The following CRYBB2 variants were observed in gnomAD, a reference collection of about 807,000 sequenced individuals.
CRYBB2 encodes beta-crystallin B2.
A neutral mutation model predicts 24.3 loss-of-function variants in CRYBB2; 12 were observed. That is an observed-to-expected ratio of 0.49 (90% CI 0.32 to 0.80). CRYBB2 has a LOEUF of 0.80. Ranked by LOEUF, CRYBB2 falls within the 30% of genes least tolerant of loss-of-function variation. CRYBB2 has a pLI of 0.04. For synonymous variants in CRYBB2, 98 were observed against 101.6 expected (o/e 0.96, Z 0.21); for missense variants, 198 against 268.5 (o/e 0.74, Z 1.83).
At chr22:25,218,814 GAAAGAA>G (rs1555888312), upstream of CRYBB2, among the ~76,000 whole-genome samples, 18 of 126,436 alleles carry the variant, frequency 1.4e-4, no homozygotes, top group African/African-American at 4.9e-4. Flanking sequence ...AAGAAAGAAA[GAAAGAA>G]AGAAAGAAAG....
At chr22:25,227,511 T>C (rs1310937468) in intron 3 of CRYBB2, among the ~76,000 whole-genome samples, 1 of 150,740 alleles carries the variant, frequency 6.6e-6, no homozygotes, top group African/African-American at 2.4e-5. Context: ...AGAGTGTTAA[T>C]TTTCGTTTTG....
intron 3 of CRYBB2, among the ~76,000 whole-genome samples, chr22:25,226,175 TGTGTGTGTG>T (rs1935411150): frequency 1.0e-4 from 4 of 38,920 alleles, no homozygotes; most frequent in Non-Finnish European, 2.4e-4. Context: ...TCTCTGTGTG[TGTGTGTGTG>T]TGTGTGTGTG....
upstream of CRYBB2, among the ~76,000 whole-genome samples, chr22:25,218,749 GA>G (rs778589699): frequency 3.5e-5 from 1 of 28,400 alleles, no homozygotes; most frequent in African/African-American, 2.0e-4. Flanking sequence ...GAGAGAGAGA[GA>G]GAGAGAGAGA....
At chr22:25,217,919 G>A (rs1935197970), upstream of CRYBB2, among the ~76,000 whole-genome samples, 1 of 152,118 alleles carries the variant, frequency 6.6e-6, no homozygotes, top group East Asian at 1.9e-4. Context: ...GCCTCAGATT[G>A]GATCAAGACA....
chr22:25,226,917 G>A (rs1484097333), intron 3 of CRYBB2, among the ~76,000 whole-genome samples: 4 of 152,024 alleles, frequency 2.6e-5, no homozygotes, highest in African/African-American at 4.8e-5. Flanking sequence ...CAGGTGATCC[G>A]CTCACCTCGG....
In CRYBB2 at chr22:25,230,021, G is replaced by A. The variant is rs115680431; in HGVS notation, c.449+443G>A. 1.9e-3 allele frequency among the ~76,000 whole-genome samples: 284 copies of A among 152,072 alleles called. 1 individual carries two copies. Among genetic ancestry groups the A allele is most frequent in the African/African-American group, 6.5e-3 (268 of 41,492 alleles). On this transcript the variant is annotated intron_variant, in intron 5 of 5. Transcript: ENST00000398215. The stretch of plus-strand genomic sequence containing the variant: ...AGGTGTCATTTTCCACTGAATCAAA[G>A]TTCCTGGGCACATCGACCCTGGCCA...
At chr22:25,229,970 CGT>C (rs1262901937) in intron 5 of CRYBB2, among the ~76,000 whole-genome samples, 2 of 150,420 alleles carry the variant, frequency 1.3e-5, no homozygotes, top group Non-Finnish European at 3.0e-5. Flanking sequence ...CCTTTGACCG[CGT>C]GTGTCCCTAA....
intron 1 of CRYBB2, among the ~76,000 whole-genome samples, chr22:25,214,241 G>A (rs912711278): frequency 6.6e-6 from 1 of 152,228 alleles, no homozygotes; most frequent in South Asian, 2.1e-4. Flanking sequence ...AGGAGGCTGA[G>A]ACAGGAGGAT....
chr22:25,214,268 T>C (rs1226265194), intron 1 of CRYBB2, among the ~76,000 whole-genome samples: 2 of 152,228 alleles, frequency 1.3e-5, no homozygotes, highest in South Asian at 4.1e-4. Context: ...AGCCCAGCAG[T>C]TGGAGCCTGC....
In CRYBB2 at chr22:25,228,836, G is replaced by A. The variant is rs148876714; in HGVS notation, c.307-600G>A. Among the ~76,000 whole-genome samples the A allele has an allele frequency of 7.8e-3, 1,193 of 152,360 alleles. 4 individuals carry two copies. Among genetic ancestry groups the A allele is most frequent in the Non-Finnish European group, 0.012 (827 of 68,040 alleles). ...AAGGAAAATGTCATAGGGACAGGAG[G>A]ATGGGAAGAGATGTAGAAATGAAGA... On this transcript the variant is annotated intron_variant, in intron 4 of 5. Coordinates refer to ENST00000398215, the MANE Select transcript of CRYBB2 (RefSeq NM_000496.3).
chr22:25,212,051 CG>C (rs1263435093), upstream of CRYBB2, among the ~76,000 whole-genome samples: 2 of 152,170 alleles, frequency 1.3e-5, no homozygotes, highest in African/African-American at 4.8e-5. Flanking sequence ...CGGTAGTAAC[CG>C]GAGTTTACTT....
intron 5 of CRYBB2, 99 bp from the exon 6 acceptor site, chr22:25,231,505 T>A: frequency 8.5e-7 from 1 of 1,179,960 alleles, no homozygotes; most frequent in Non-Finnish European, 1.3e-6. Context: ...CCCTTCCTAG[T>A]GGCTTATGGA....
At chr22:25,218,822 G>GAA (rs1195086979), upstream of CRYBB2, among the ~76,000 whole-genome samples, 2 of 113,690 alleles carry the variant, frequency 1.8e-5, no homozygotes, top group South Asian at 6.9e-4. Context: ...AAGAAAGAAA[G>GAA]AAAGAAAGAA....
At chr22:25,226,791 A>G (rs1170853825) in intron 3 of CRYBB2, among the ~76,000 whole-genome samples, 1 of 152,224 alleles carries the variant, frequency 6.6e-6, no homozygotes, top group Non-Finnish European at 1.5e-5. Flanking sequence ...CTCCTCCCTC[A>G]GACTACTGAG....
intron 2 of CRYBB2, among the ~76,000 whole-genome samples, chr22:25,224,302 G>A (rs1249012346): frequency 6.6e-6 from 1 of 152,104 alleles, no homozygotes. Flanking sequence ...TTGAGTGTTA[G>A]AATTTGCAAC....
In CRYBB2 at chr22:25,224,985, T is replaced by G; in HGVS notation, c.122T>G (p.Leu41Arg). The G allele has an allele frequency of 6.2e-7, 1 of 1,613,518 alleles. No individual in the cohort carries two copies. The highest frequency in any genetic ancestry group is 8.5e-7 in the Non-Finnish European group (1 of 1,179,398). Residue 41 changes from leucine (L) to arginine (R), a missense_variant, in exon 3 of 6, where the codon CTG (leucine) becomes CGG (arginine). Coordinates refer to ENST00000398215, the MANE Select transcript of CRYBB2 (RefSeq NM_000496.3). ...GAGCTCAATGGGCCCTGCCCCAACC[T>G]GAAGGAAACTGGCGTGGAGAAGGCA... Reference protein sequence around the residue: ...SHELNGPCPNLKETGVEKAGS... With the variant: ...SHELNGPCPNRKETGVEKAGS...
intron 5 of CRYBB2, among the ~76,000 whole-genome samples, chr22:25,231,225 G>C (rs1248106719): frequency 4.6e-5 from 7 of 152,134 alleles, no homozygotes; most frequent in African/African-American, 1.7e-4. Flanking sequence ...CTTGTAGCTG[G>C]GCTTGGAGGT....
chr22:25,217,012 C>T (rs551966109), upstream of CRYBB2, among the ~76,000 whole-genome samples: 3 of 152,264 alleles, frequency 2.0e-5, no homozygotes, highest in South Asian at 6.2e-4. Context: ...AGTGTTTATC[C>T]ATTCATCCGT....
chr22:25,224,584 G>C (rs781248034), intron 2 of CRYBB2, among the ~76,000 whole-genome samples: 14 of 151,944 alleles, frequency 9.2e-5, no homozygotes, highest in Non-Finnish European at 1.6e-4. Context: ...GCCCAGGCTG[G>C]TCTGGAACTC....
Sources: gnomAD v4.1 joint callset for allele counts (sites outside exome capture counted in the v4.1 genomes callset) on GRCh38, gnomAD v4.1.1 for gene constraint, MANE v1.5 for transcripts, NCBI Gene and HGNC (gene_info 2026-07-23, HGNC 2026-07-21) for gene names.